Variants in PHACTR2 observed in about 807,000 individuals in gnomAD.
The protein encoded by PHACTR2 is phosphatase and actin regulator 2, also known as chromosome 6 open reading frame 56.
PHACTR2 carries 30 observed loss-of-function variants against 76.0 expected under a neutral mutation model. That is an observed-to-expected ratio of 0.39 (90% confidence interval 0.30 to 0.54). The LOEUF is 0.54. Among genes scored for constraint, PHACTR2 ranks in the 20% least tolerant of loss-of-function variants. The probability of loss-of-function intolerance (pLI) is 0.61; values close to 1 mark genes in which losing one functional copy is unlikely to be tolerated. For synonymous variants in PHACTR2, 292 were observed against 292.5 expected, an observed-to-expected ratio of 1.00 and a Z score of 0.02; for missense variants, 696 against 781.1, an observed-to-expected ratio of 0.89 and a Z score of 1.30.
At chr6:143,649,794 G>A (rs887074753) in intron 1 of PHACTR2, among the ~76,000 whole-genome samples, 3 of 152,284 alleles carry the variant, frequency 2.0e-5, no homozygotes, top group Non-Finnish European at 2.9e-5. Flanking sequence ...AGACAAGGAT[G>A]TCCTCTCTCA....
chr6:143,765,511 A>G lies in PHACTR2; in HGVS notation c.945A>G (p.Lys315=). The part of the protein sequence containing the change: ...EPAETRVESF[K]LEQTVPGAEE... ...CAGAGACCAGAGTGGAGAGTTTCAA[A>G]CTCGAACAGACTGTCCCTGGAGCTG... The change falls in exon 6 of 13, where the codon AAA becomes AAG. Residue 315 remains lysine (K), a synonymous_variant. Coordinates refer to ENST00000440869, the MANE Select transcript of PHACTR2 (RefSeq NM_001100164.2). The surrounding 1 kb of genome is among the most constrained non-coding windows in gnomAD (Gnocchi z 4.1). 1 of 1,614,180 alleles carries G rather than the reference A, an allele frequency of 6.2e-7. No homozygotes were observed. Among genetic ancestry groups the G allele is most frequent in the African/African-American group, 1.3e-5 (1 of 75,044 alleles).
chr6:143,662,494 G>C lies in PHACTR2; in HGVS notation c.14-49522G>C, dbSNP rs1363641244. On this transcript the variant is annotated intron_variant, in intron 1 of 11. Coordinates refer to the PHACTR2 transcript ENST00000305766. This position sits in a 1 kb window ranked among gnomAD's most constrained non-coding sequence, Gnocchi z 4.7. ...CAGATATCTATTTACTCTTCAGAAAGTAAAAATAAGTAGTGGGTAGGAGTT... is the reference window on the plus strand; with the variant it reads ...CAGATATCTATTTACTCTTCAGAAACTAAAAATAAGTAGTGGGTAGGAGTT... Among the ~76,000 whole-genome samples the C allele has an allele frequency of 6.6e-6, 1 of 152,140 alleles. No homozygotes were observed. Among genetic ancestry groups the C allele is most frequent in the African/African-American group, 2.4e-5 (1 of 41,448 alleles).
rs888649652 is a variant in PHACTR2 at position 143,822,006 on chromosome 6, C to G, written c.1923-1668C>G. ...ACCCTGTCCCCCTCTGGAGCTCCCC[C>G]CAACCCACCCTGCAAAAAGTAGGTA... On this transcript the variant is annotated intron_variant, in intron 12 of 12. Coordinates refer to ENST00000440869, the MANE Select transcript of PHACTR2 (RefSeq NM_001100164.2). This position sits in a 1 kb window ranked among gnomAD's most constrained non-coding sequence, Gnocchi z 5.5. Among the ~76,000 whole-genome samples, 3 of 151,970 alleles carry G rather than the reference C, an allele frequency of 2.0e-5. No homozygotes were observed. The highest frequency in any genetic ancestry group is 2.1e-4 in the South Asian group (1 of 4,802).
chr6:143,705,439 CG>C (rs1294472643), intron 1 of PHACTR2, among the ~76,000 whole-genome samples: 1 of 151,836 alleles, frequency 6.6e-6, no homozygotes, highest in Non-Finnish European at 1.5e-5. Context: ...GGACTACAGG[CG>C]CCCGCCACTG....
intron 3 of PHACTR2, among the ~76,000 whole-genome samples, chr6:143,752,883 G>C (rs957086801): frequency 1.3e-5 from 2 of 152,096 alleles, no homozygotes; most frequent in Non-Finnish European, 2.9e-5. Flanking sequence ...ATAAAGTAGG[G>C]TTAATCTTTT....
chr6:143,629,714 A>G (rs1776327389), intron 1 of PHACTR2, among the ~76,000 whole-genome samples: 1 of 152,006 alleles, frequency 6.6e-6, no homozygotes, highest in Non-Finnish European at 1.5e-5. Context: ...CAAGAGGAGG[A>G]AAAAATTCCA....
intron 12 of PHACTR2, among the ~76,000 whole-genome samples, chr6:143,817,972 A>T (rs926568446): frequency 1.3e-5 from 2 of 152,202 alleles, no homozygotes; most frequent in Non-Finnish European, 2.9e-5. Context: ...CATATGTTCA[A>T]AAAGCTAGAA....
At chr6:143,563,163 G>A (rs1775305892) in intron 1 of PHACTR2, among the ~76,000 whole-genome samples, 1 of 152,050 alleles carries the variant, frequency 6.6e-6, no homozygotes, top group Non-Finnish European at 1.5e-5. Flanking sequence ...CAACAAGAAG[G>A]GAAGAAACAA....
In PHACTR2 at chr6:143,788,963, A is replaced by G; in HGVS notation, c.1845+53A>G. ...ATTGTATTGCTTTTCTGGAAGCTCC[A>G]ATATCCACATCCCCCCTACTTAAGT... On this transcript the variant is annotated intron_variant, in intron 11 of 12. Coordinates refer to ENST00000440869, the MANE Select transcript of PHACTR2 (RefSeq NM_001100164.2). 8 of 1,526,794 alleles carry G rather than the reference A, an allele frequency of 5.2e-6. 1 individual carries two copies. The South Asian group carries it at 9.1e-5, about 17-fold the overall frequency. The allele number at this position is 1,526,794 out of a possible 1,614,324, so 94.6% of individuals were successfully genotyped here.
chr6:143,543,219 G>A lies in PHACTR2; in HGVS notation c.217+6012G>A, dbSNP rs897144827. On this transcript the variant is annotated intron_variant, in intron 1 of 11. Coordinates refer to the PHACTR2 transcript ENST00000367584. This position sits in a 1 kb window ranked among gnomAD's most constrained non-coding sequence, Gnocchi z 4.7. ...GAGCTAATTTACTTAAACTAGTTAA[G>A]CTCTAGTTTGTGTCAGTACCTCAGT... Among the ~76,000 whole-genome samples, 2 of 152,206 alleles carry A rather than the reference G, an allele frequency of 1.3e-5. No individual in the cohort carries two copies. Among genetic ancestry groups the A allele is most frequent in the African/African-American group, 4.8e-5 (2 of 41,466 alleles).
chr6:143,640,645 T>G (rs1250030905), intron 1 of PHACTR2, among the ~76,000 whole-genome samples: 1 of 152,184 alleles, frequency 6.6e-6, no homozygotes. Context: ...ACTAATTTAG[T>G]GCTATTAATA....
chr6:143,559,815 A>T (rs925647239), intron 1 of PHACTR2, among the ~76,000 whole-genome samples: 45 of 137,100 alleles, frequency 3.3e-4, no homozygotes, highest in African/African-American at 1.1e-3. Context: ...GGTTCAATCG[A>T]TTCTCCTGCC....
intron 1 of PHACTR2, among the ~76,000 whole-genome samples, chr6:143,651,646 C>T (rs1776766336): frequency 6.6e-6 from 1 of 151,906 alleles, no homozygotes; most frequent in Non-Finnish European, 1.5e-5. Context: ...GATGAGAACA[C>T]ATGGACACAT....
rs17291151 is a variant in PHACTR2, at chr6:143,652,946, C to G, written c.13+44624C>G. ...CTTCTCAGGAACATTCACATTATTT[C>G]CAGCTGGATTGAGGCTGGAAGCTCC... is the stretch of plus-strand genomic sequence containing the variant. On this transcript the variant is annotated intron_variant, in intron 1 of 11. Transcript: ENST00000305766. The surrounding 1 kb of genome is among the most constrained non-coding windows in gnomAD (Gnocchi z 4.5). 0.16 allele frequency among the ~76,000 whole-genome samples: 23,934 copies of G among 152,254 alleles called. 2,214 individuals carry two copies. The highest frequency in any genetic ancestry group is 0.26 in the Middle Eastern group (76 of 294).
In PHACTR2 at chr6:143,806,039, C is replaced by T. The variant is rs1197967745; in HGVS notation, c.1846-1018C>T. Among the ~76,000 whole-genome samples, 1 of 152,142 alleles carries T rather than the reference C, an allele frequency of 6.6e-6. No individual in the cohort carries two copies. The highest frequency in any genetic ancestry group is 1.5e-5 in the Non-Finnish European group (1 of 68,030). ...GTTTTGGCTGAAGAGTCCATTTTGCCTAGAGGTTACAGGGGTGTTTTTATT... is the reference window on the plus strand; with the variant it reads ...GTTTTGGCTGAAGAGTCCATTTTGCTTAGAGGTTACAGGGGTGTTTTTATT... On this transcript the variant is annotated intron_variant, in intron 11 of 12. Coordinates refer to ENST00000440869, the MANE Select transcript of PHACTR2 (RefSeq NM_001100164.2). This position sits in a 1 kb window ranked among gnomAD's most constrained non-coding sequence, Gnocchi z 5.8.
rs936986233 is a variant in PHACTR2 at position 143,710,097 on chromosome 6, A to G, written c.47-1919A>G. ...TTGTCTAAAAGTTTCTTATGTTGCT[A>G]CTCTGCCCCTTTCCTGGTTATGTGG... On this transcript the variant is annotated intron_variant, in intron 1 of 12. Transcript: ENST00000440869. This position sits in a 1 kb window ranked among gnomAD's most constrained non-coding sequence, Gnocchi z 4.9. 1.3e-4 allele frequency among the ~76,000 whole-genome samples: 19 copies of G among 151,580 alleles called. No individual in the cohort carries two copies. The highest frequency in any genetic ancestry group is 1.2e-3 in the Admixed American group (18 of 15,232).
chr6:143,538,368 T>A (rs968033073), intron 1 of PHACTR2, among the ~76,000 whole-genome samples: 5 of 152,382 alleles, frequency 3.3e-5, no homozygotes, highest in African/African-American at 1.2e-4. Flanking sequence ...TTTAAACTGC[T>A]TTTGAACAAA....
At chr6:143,674,744 G>T (rs1777211881), upstream of PHACTR2, among the ~76,000 whole-genome samples, 2 of 152,150 alleles carry the variant, frequency 1.3e-5, no homozygotes, top group Non-Finnish European at 2.9e-5. The surrounding 1 kb of genome is among the most constrained non-coding windows in gnomAD (Gnocchi z 4.9). Flanking sequence ...TGTGTTCTGA[G>T]GAAGGTTCCT....
upstream of PHACTR2, among the ~76,000 whole-genome samples, chr6:143,674,304 C>T (rs1000342207): frequency 2.0e-5 from 3 of 151,986 alleles, no homozygotes; most frequent in Non-Finnish European, 4.4e-5. The surrounding 1 kb of genome is among the most constrained non-coding windows in gnomAD (Gnocchi z 4.9). Context: ...TTTTTAAAAA[C>T]CAGAAGATCT....
Sources: allele counts gnomAD v4.1 joint callset (sites outside exome capture counted in the v4.1 genomes callset), GRCh38; gene constraint gnomAD v4.1.1; non-coding constraint Gnocchi (gnomAD v3.1); transcripts MANE v1.5; gene names NCBI Gene and HGNC (gene_info 2026-07-23, HGNC 2026-07-21).